The following SOX6 variants were observed in gnomAD, a reference collection of about 807,000 sequenced individuals.
The protein encoded by SOX6 is transcription factor SOX-6.
A neutral mutation model predicts 97.8 loss-of-function variants in SOX6; 11 were observed. The ratio of observed to expected loss-of-function variants is 0.11; its 90% CI spans 0.07 to 0.19. The LOEUF (loss-of-function observed/expected upper bound fraction) is 0.19. Among genes scored for constraint, SOX6 ranks in the 10% least tolerant of loss-of-function variants. The probability of loss-of-function intolerance (pLI) is 1.00; values close to 1 mark genes in which losing one functional copy is unlikely to be tolerated. For synonymous variants in SOX6, 360 were observed against 371.4 expected (o/e 0.97, Z 0.35); for missense variants, 810 against 1,039.5 (o/e 0.78, Z 3.04).
chr11:16,098,501 C>T (rs1357348791), intron 7 of SOX6, among the ~76,000 whole-genome samples: 2 of 151,780 alleles, frequency 1.3e-5, no homozygotes, highest in Non-Finnish European at 2.9e-5. Context: ...ACGGAAGTAC[C>T]TTCTGTGACC....
intron 6 of SOX6, among the ~76,000 whole-genome samples, chr11:16,149,853 T>C (rs1184366548): frequency 6.6e-6 from 1 of 152,162 alleles, no homozygotes; most frequent in African/African-American, 2.4e-5. Flanking sequence ...TAGCAGCCAA[T>C]GCCAAAAAGA....
chr11:16,326,056 A>G lies in SOX6; in HGVS notation c.238-7403T>C, dbSNP rs1472246173. Among the ~76,000 whole-genome samples the G allele has an allele frequency of 2.6e-5, 4 of 152,164 alleles. No individual in the cohort carries two copies. In the East Asian group the frequency reaches 7.7e-4, roughly 29 times the overall value. ...TGAGAAATAAATGTCTGTTGTTTAT[A>G]AATTACCCAGTGTATGGTATTTTGT... On this transcript the variant is annotated intron_variant, in intron 2 of 15. Coordinates refer to ENST00000683767, the MANE Select transcript of SOX6 (RefSeq NM_001367873.1).
intron 4 of SOX6, among the ~76,000 whole-genome samples, chr11:16,486,624 G>A (rs987836982): frequency 3.3e-5 from 5 of 152,124 alleles, no homozygotes; most frequent in Non-Finnish European, 7.4e-5. Context: ...ACCTTGGGAG[G>A]CCAAGGTGGG....
At chr11:15,985,680 C>T (rs1164631421) in intron 15 of SOX6, among the ~76,000 whole-genome samples, 4 of 152,144 alleles carry the variant, frequency 2.6e-5, no homozygotes, top group Non-Finnish European at 4.4e-5. Flanking sequence ...CAAGAAAATA[C>T]ACATTGTTAC....
At chr11:16,443,565 A>C (rs1859551508) in intron 1 of SOX6, among the ~76,000 whole-genome samples, 1 of 152,168 alleles carries the variant, frequency 6.6e-6, no homozygotes, top group African/African-American at 2.4e-5. Flanking sequence ...AATTCTTTTA[A>C]AAATATTTTA....
At chr11:16,352,099 GTC>G (rs1486497584) in intron 1 of SOX6, among the ~76,000 whole-genome samples, 7 of 151,998 alleles carry the variant, frequency 4.6e-5, no homozygotes, top group Admixed American at 3.9e-4. Flanking sequence ...TTCTGGGGGT[GTC>G]TCCTCTTTGC....
chr11:16,255,592 T>A (rs901815302), intron 3 of SOX6, among the ~76,000 whole-genome samples: 1 of 152,060 alleles, frequency 6.6e-6, no homozygotes, highest in East Asian at 1.9e-4. Flanking sequence ...GTGTGCGGGA[T>A]GCAGTGAAAG....
Position 16,344,554 on chromosome 11 carries a change from ATC to A in SOX6, c.-4-3304_-4-3303del, listed in dbSNP as rs1438883194. Among the ~76,000 whole-genome samples the A allele has an allele frequency of 9.2e-5, 14 of 152,046 alleles. No individual in the cohort carries two copies. The East Asian group carries it at 2.1e-3, about 23-fold the overall frequency. ...GTTACTCTCCTTTAGAAACTCATAA[ATC>A]AAATATACCCATGTTTCAGTGTTTT... On this transcript the variant is annotated intron_variant, in intron 1 of 15. Coordinates refer to ENST00000683767, the MANE Select transcript of SOX6 (RefSeq NM_001367873.1).
intron 4 of SOX6, among the ~76,000 whole-genome samples, chr11:16,565,080 G>C (rs1847855155): frequency 6.6e-6 from 1 of 152,054 alleles, no homozygotes; most frequent in Admixed American, 6.6e-5. Context: ...CAAAGAATGA[G>C]AGAAAACACA....
At chr11:16,341,344 A>G in intron 1 of SOX6, 92 bp from the exon 2 acceptor site, 1 of 1,518,502 alleles carries the variant, frequency 6.6e-7, no homozygotes, top group South Asian at 1.3e-5. Context: ...AAAGAAGGAA[A>G]GTTATTTAAC....
intron 4 of SOX6, among the ~76,000 whole-genome samples, chr11:16,207,321 G>A (rs1300580865): frequency 5.3e-5 from 8 of 152,068 alleles, no homozygotes; most frequent in East Asian, 1.9e-4. Context: ...GAACAAATTC[G>A]GCTGGGCGCG....
chr11:16,436,233 TTGG>T (rs1371960886), intron 1 of SOX6, among the ~76,000 whole-genome samples: 3 of 152,218 alleles, frequency 2.0e-5, no homozygotes, highest in African/African-American at 7.2e-5. Context: ...GTGATTGCTG[TTGG>T]TCACTTCCTT....
At chr11:16,277,434 A>C (rs1854433129) in intron 3 of SOX6, among the ~76,000 whole-genome samples, 1 of 152,114 alleles carries the variant, frequency 6.6e-6, no homozygotes, top group South Asian at 2.1e-4. Flanking sequence ...CTGCCTCCAA[A>C]ACTGTGAAAA....
chr11:16,089,787 T>G (rs995450227), intron 9 of SOX6, among the ~76,000 whole-genome samples: 1 of 152,090 alleles, frequency 6.6e-6, no homozygotes, highest in African/African-American at 2.4e-5. Context: ...TTTCTCCTGT[T>G]CTGCCTATTC....
chr11:16,028,741 G>C (rs1330178853), intron 12 of SOX6, among the ~76,000 whole-genome samples: 2 of 152,180 alleles, frequency 1.3e-5, no homozygotes, highest in Non-Finnish European at 2.9e-5. Context: ...TCGGCCGTTT[G>C]TCATCAGAGA....
At chr11:16,691,147 A>G (rs1848010323) in intron 3 of SOX6, among the ~76,000 whole-genome samples, 1 of 152,202 alleles carries the variant, frequency 6.6e-6, no homozygotes, top group South Asian at 2.1e-4. Flanking sequence ...AGTTGGCACA[A>G]TCCTGATAAC....
Position 16,466,413 on chromosome 11 carries a change from T to C in SOX6, c.-5+9902A>G, listed in dbSNP as rs1331336729. On this transcript the variant is annotated intron_variant, in intron 1 of 15. Transcript: ENST00000396356. ...AATGACTTCACTTTTTCCTGAATTATAGACAGACTGTATTTCACATCTTAT... is the reference window on the plus strand; with the variant it reads ...AATGACTTCACTTTTTCCTGAATTACAGACAGACTGTATTTCACATCTTAT... Among the ~76,000 whole-genome samples the C allele has an allele frequency of 6.6e-5, 10 of 152,322 alleles. No homozygotes were observed. The East Asian group carries it at 1.2e-3, about 18-fold the overall frequency.
intron 2 of SOX6, among the ~76,000 whole-genome samples, chr11:16,730,519 G>A (rs1035879806): frequency 6.6e-6 from 1 of 151,920 alleles, no homozygotes; most frequent in Non-Finnish European, 1.5e-5. Context: ...GAAATTAAGG[G>A]AAAAATAAAT....
chr11:16,410,723 C>A (rs1201919505), intron 1 of SOX6, among the ~76,000 whole-genome samples: 1 of 135,348 alleles, frequency 7.4e-6, no homozygotes, highest in East Asian at 2.2e-4. Context: ...CATGCCACTG[C>A]ACTCTAGCCT....
Sources: allele counts gnomAD v4.1 joint callset (sites outside exome capture counted in the v4.1 genomes callset), GRCh38; gene constraint gnomAD v4.1.1; transcripts MANE v1.5; gene names NCBI Gene and HGNC (gene_info 2026-07-23, HGNC 2026-07-21).